Variants in SNX29 observed in about 807,000 individuals in gnomAD.
SNX29 encodes the protein sorting nexin 29, also known as sorting nexin-29.
A neutral mutation model predicts 102.1 loss-of-function variants in SNX29; 78 were observed. The observed-to-expected ratio is 0.76, with a 90% CI of 0.64 to 0.92. SNX29 has a LOEUF of 0.92. Among genes scored for constraint, SNX29 ranks in the 40% least tolerant of loss-of-function variants. The probability of loss-of-function intolerance (pLI) is 0.00; values close to 1 mark genes in which losing one functional copy is unlikely to be tolerated. For missense variants in SNX29, 1,280 were observed against 1,061.7 expected, an observed-to-expected ratio of 1.21 and a Z score of -2.86; for synonymous variants, 580 against 414.5, an observed-to-expected ratio of 1.40 and a Z score of -4.85.
chr16:12,416,874 C>T (rs1430635870), intron 18 of SNX29, among the ~76,000 whole-genome samples: 1 of 152,230 alleles, frequency 6.6e-6, no homozygotes, highest in Admixed American at 6.5e-5. Context: ...ACACCTCCCA[C>T]TAGGCCCACC....
chr16:12,237,597 C>G (rs2077976096), intron 14 of SNX29, among the ~76,000 whole-genome samples: 1 of 151,138 alleles, frequency 6.6e-6, no homozygotes, highest in Non-Finnish European at 1.5e-5. Flanking sequence ...ATGGTGAAAC[C>G]CCCGTCTCTA....
chr16:12,171,758 G>A (rs2076154608), intron 13 of SNX29, among the ~76,000 whole-genome samples: 1 of 152,244 alleles, frequency 6.6e-6, no homozygotes, highest in Non-Finnish European at 1.5e-5. Context: ...ATTTGCTTGC[G>A]TTCCTGTTTC....
chr16:12,285,968 G>C (rs1482774694), intron 15 of SNX29, among the ~76,000 whole-genome samples: 1 of 152,068 alleles, frequency 6.6e-6, no homozygotes, highest in Non-Finnish European at 1.5e-5. Context: ...TGATTCTCCT[G>C]CTTCCCCCTC....
chr16:12,380,785 CCA>C (rs2083080053), intron 16 of SNX29, among the ~76,000 whole-genome samples: 1 of 56,738 alleles, frequency 1.8e-5, no homozygotes. Context: ...ATCCATCCAC[CCA>C]TCCACCCACA....
intron 13 of SNX29, among the ~76,000 whole-genome samples, chr16:12,165,971 C>G (rs76797149): frequency 0.033 from 5,071 of 152,346 alleles, 129 homozygotes; most frequent in Non-Finnish European, 0.046. Flanking sequence ...TTGACCCTGT[C>G]TAATGGGGCT....
chr16:12,557,525 C>T (rs940951474), intron 20 of SNX29: 1 of 152,004 alleles, frequency 6.6e-6, no homozygotes, highest in South Asian at 2.1e-4. Flanking sequence ...CCTCTCCCAA[C>T]TAATTTTTGC....
chr16:12,099,143 T>C (rs967349462), intron 11 of SNX29, among the ~76,000 whole-genome samples: 2 of 152,234 alleles, frequency 1.3e-5, no homozygotes, highest in Non-Finnish European at 2.9e-5. Context: ...GTGACTTTGC[T>C]GAGGTTCTGT....
chr16:12,523,193 C>G (rs532570968), intron 19 of SNX29, among the ~76,000 whole-genome samples: 6 of 152,330 alleles, frequency 3.9e-5, no homozygotes, highest in Admixed American at 3.9e-4. Context: ...GACTGAGCCC[C>G]TGCCTTGGGC....
intron 10 of SNX29, among the ~76,000 whole-genome samples, chr16:12,074,198 T>C (rs2051434968): frequency 6.6e-6 from 1 of 152,006 alleles, no homozygotes; most frequent in African/African-American, 2.4e-5. Context: ...ATGTGTGAAT[T>C]TGATCCTGTC....
intron 18 of SNX29, among the ~76,000 whole-genome samples, chr16:12,432,344 C>G (rs72771582): frequency 6.6e-6 from 1 of 152,314 alleles, no homozygotes; most frequent in Non-Finnish European, 1.5e-5. Context: ...GAAACAGATG[C>G]ATTTTTGGGG....
intron 15 of SNX29, among the ~76,000 whole-genome samples, chr16:12,337,309 T>G (rs1017871735): frequency 6.6e-6 from 1 of 152,016 alleles, no homozygotes; most frequent in Non-Finnish European, 1.5e-5. Flanking sequence ...CGGGAAATTA[T>G]GTGGATTTAA....
At chr16:12,155,451 G>T (rs950306421) in intron 13 of SNX29, among the ~76,000 whole-genome samples, 6 of 152,152 alleles carry the variant, frequency 3.9e-5, no homozygotes, top group African/African-American at 1.4e-4. Context: ...TCATTAACAA[G>T]TGGAGGAGGG....
At chr16:12,456,506 C>CATGTGT (rs1555543125) in intron 18 of SNX29, among the ~76,000 whole-genome samples, 39 of 148,948 alleles carry the variant, frequency 2.6e-4, no homozygotes, top group African/African-American at 9.6e-4. Context: ...CATGTGTGCA[C>CATGTGT]GTGTGTGTGT....
chr16:12,378,954 C>T (rs549441617), intron 16 of SNX29, among the ~76,000 whole-genome samples: 1 of 152,232 alleles, frequency 6.6e-6, no homozygotes, highest in East Asian at 1.9e-4. Flanking sequence ...ATTGACCCAT[C>T]CTGAACCAGT....
intron 19 of SNX29, among the ~76,000 whole-genome samples, chr16:12,498,214 C>T (rs1287955966): frequency 2.6e-5 from 4 of 152,164 alleles, no homozygotes; most frequent in Non-Finnish European, 5.9e-5. Context: ...TCCTCTGGCC[C>T]ATGAGGCCCA....
chr16:12,186,892 G>A (rs932111700), intron 13 of SNX29, among the ~76,000 whole-genome samples: 1 of 152,190 alleles, frequency 6.6e-6, no homozygotes, highest in Admixed American at 6.5e-5. Context: ...TAGACTTCTG[G>A]TCTCACAGAT....
chr16:12,561,184 T>C, intron 20 of SNX29: 1 of 230,516 alleles, frequency 4.3e-6, no homozygotes, highest in Admixed American at 5.7e-5. Context: ...CCTGGCATGC[T>C]CTGATACTGC....
At position 12,405,109 on chromosome 16, in the gene SNX29, G is replaced by T. The variant is rs56202422; in HGVS notation, c.2037+1580G>T. Among the ~76,000 whole-genome samples the T allele has an allele frequency of 4.3e-3, 662 of 152,212 alleles. 5 individuals carry two copies. The highest frequency in any genetic ancestry group is 0.015 in the African/African-American group (635 of 41,514). ...CCCCACAAACCCAACTTTCTTATTTGACCCTTCAAGTTCTGCATTGTGGTC... is the reference window on the plus strand; with the variant it reads ...CCCCACAAACCCAACTTTCTTATTTTACCCTTCAAGTTCTGCATTGTGGTC... On this transcript the variant is annotated intron_variant, in intron 18 of 20. Coordinates refer to ENST00000566228, the MANE Select transcript of SNX29 (RefSeq NM_032167.5).
intron 15 of SNX29, among the ~76,000 whole-genome samples, chr16:12,329,512 T>G (rs573189550): frequency 1.3e-3 from 196 of 152,244 alleles, no homozygotes; most frequent in African/African-American, 4.5e-3. Context: ...GTAAAGATAA[T>G]TTGGTTCCTA....
Sources: allele counts gnomAD v4.1 joint callset (sites outside exome capture counted in the v4.1 genomes callset), GRCh38; gene constraint gnomAD v4.1.1; transcripts MANE v1.5; gene names NCBI Gene and HGNC (gene_info 2026-07-23, HGNC 2026-07-21).